Variants in GRB14 observed in about 807,000 individuals in gnomAD.
The protein encoded by GRB14 is growth factor receptor-bound protein 14.
A neutral mutation model predicts 69.1 loss-of-function variants in GRB14; 38 were observed. That is an observed-to-expected ratio of 0.55 (90% confidence interval 0.42 to 0.72). The LOEUF is 0.72. Ranked by LOEUF, GRB14 falls within the 30% of genes least tolerant of loss-of-function variation. The pLI is 0.00. For missense variants in GRB14, 666 were observed against 666.1 expected (o/e 1.00, Z 0.00); for synonymous variants, 247 against 241.3 (o/e 1.02, Z -0.22).
intron 3 of GRB14, among the ~76,000 whole-genome samples, chr2:164,544,244 T>C (rs1688309937): frequency 6.6e-6 from 1 of 152,196 alleles, no homozygotes; most frequent in South Asian, 2.1e-4. Flanking sequence ...ATTCCCAGTG[T>C]TCCACTTTCA....
At chr2:164,620,234 T>C (rs921824806) in intron 1 of GRB14, among the ~76,000 whole-genome samples, 1 of 152,222 alleles carries the variant, frequency 6.6e-6, no homozygotes, top group Admixed American at 6.5e-5. Context: ...ATCCATGATA[T>C]TGACAGTCTC....
At chr2:164,575,124 A>G (rs1689221796) in intron 2 of GRB14, among the ~76,000 whole-genome samples, 1 of 152,218 alleles carries the variant, frequency 6.6e-6, no homozygotes, top group African/African-American at 2.4e-5. Context: ...AGTCAGATTC[A>G]GTGGACACCA....
intron 3 of GRB14, among the ~76,000 whole-genome samples, chr2:164,527,899 G>GTAT (rs1687823723): frequency 6.6e-6 from 1 of 151,962 alleles, no homozygotes; most frequent in South Asian, 2.1e-4. Flanking sequence ...GTTGACAGTA[G>GTAT]TATTATTCAT....
chr2:164,596,197 T>C (rs746774285), intron 2 of GRB14, among the ~76,000 whole-genome samples: 20 of 152,232 alleles, frequency 1.3e-4, no homozygotes, highest in Non-Finnish European at 2.9e-4. Flanking sequence ...GAATATACTG[T>C]AGGCATTCTG....
intron 2 of GRB14, among the ~76,000 whole-genome samples, chr2:164,558,664 C>G (rs1029071517): frequency 1.3e-5 from 2 of 152,174 alleles, no homozygotes; most frequent in Non-Finnish European, 2.9e-5. Flanking sequence ...ATACCACTGG[C>G]CATGCTTATG....
intron 2 of GRB14, chr2:164,573,872 A>G (rs1177229285): frequency 1.2e-6 from 2 of 1,612,906 alleles, no homozygotes; most frequent in African/African-American, 2.7e-5. Flanking sequence ...TAGAAATGCA[A>G]GACTGGATGC....
At chr2:164,563,404 C>T (rs1688885132) in intron 2 of GRB14, among the ~76,000 whole-genome samples, 1 of 152,182 alleles carries the variant, frequency 6.6e-6, no homozygotes, top group Non-Finnish European at 1.5e-5. Flanking sequence ...GTGTGCTACA[C>T]TCCAGGCCCG....
chr2:164,574,836 C>A (rs181227224), intron 2 of GRB14, among the ~76,000 whole-genome samples: 41 of 151,594 alleles, frequency 2.7e-4, no homozygotes, highest in African/African-American at 9.4e-4. Flanking sequence ...TCCATCTATT[C>A]AAGAGGCTAA....
intron 2 of GRB14, among the ~76,000 whole-genome samples, chr2:164,590,587 A>T (rs1265993845): frequency 6.6e-6 from 1 of 152,200 alleles, no homozygotes; most frequent in African/African-American, 2.4e-5. Context: ...TCAGATTATA[A>T]TCCTACACAA....
intron 12 of GRB14, among the ~76,000 whole-genome samples, chr2:164,494,897 T>G (rs996256009): frequency 1.3e-5 from 2 of 152,220 alleles, no homozygotes; most frequent in African/African-American, 4.8e-5. Flanking sequence ...TTTCATACTG[T>G]TATTTTACCT....
At chr2:164,592,024 T>C (rs950444898) in intron 2 of GRB14, among the ~76,000 whole-genome samples, 7 of 152,162 alleles carry the variant, frequency 4.6e-5, no homozygotes, top group African/African-American at 1.4e-4. Context: ...CCATGTAAGA[T>C]GTGCCTTTTA....
chr2:164,547,585 A>C, intron 3 of GRB14, 75 bp downstream of exon 3: 1 of 1,158,756 alleles, frequency 8.6e-7, no homozygotes, highest in South Asian at 1.7e-5. Flanking sequence ...AAATCTAAGA[A>C]TTATTGGTGT....
At chr2:164,511,906 C>T (rs1218991227) in intron 6 of GRB14, among the ~76,000 whole-genome samples, 2 of 152,068 alleles carry the variant, frequency 1.3e-5, no homozygotes, top group African/African-American at 4.8e-5. Context: ...GAGTCCACTA[C>T]CATGAAGGGC....
chr2:164,574,083 G>A, intron 2 of GRB14: 1 of 883,374 alleles, frequency 1.1e-6, no homozygotes, highest in Non-Finnish European at 1.8e-6. Context: ...AGAAACTCTG[G>A]TTTTACCAGC....
At chr2:164,589,169 C>T (rs1156332203) in intron 2 of GRB14, among the ~76,000 whole-genome samples, 1 of 152,100 alleles carries the variant, frequency 6.6e-6, no homozygotes, top group Non-Finnish European at 1.5e-5. Flanking sequence ...GATTAGTATT[C>T]AACTCTTATG....
chr2:164,574,787 A>T (rs968339695), intron 2 of GRB14, among the ~76,000 whole-genome samples: 3 of 151,926 alleles, frequency 2.0e-5, no homozygotes, highest in Non-Finnish European at 4.4e-5. Context: ...TACAAAAAAT[A>T]AAAAAATACG....
chr2:164,495,444 T>C (rs1686867633), intron 12 of GRB14, among the ~76,000 whole-genome samples: 1 of 152,206 alleles, frequency 6.6e-6, no homozygotes, highest in African/African-American at 2.4e-5. Flanking sequence ...CCTTGAAGAA[T>C]GCAGCAGAAA....
At chr2:164,599,802 C>T (rs560905304) in intron 2 of GRB14, among the ~76,000 whole-genome samples, 191 of 152,302 alleles carry the variant, frequency 1.3e-3, no homozygotes, top group Non-Finnish European at 2.3e-3. Flanking sequence ...TAGAAGATAT[C>T]TGTCTGTTGT....
chr2:164,586,215 T>C (rs6749902), intron 2 of GRB14, among the ~76,000 whole-genome samples: 117,317 of 152,116 alleles, frequency 0.77, 46,013 homozygotes, highest in African/African-American at 0.87. Context: ...CTGGGAAGCA[T>C]AGAGTAACAT....
Sources: allele counts gnomAD v4.1 joint callset (sites outside exome capture counted in the v4.1 genomes callset), GRCh38; gene constraint gnomAD v4.1.1; transcripts MANE v1.5; gene names NCBI Gene and HGNC (gene_info 2026-07-23, HGNC 2026-07-21).